TACR3: variants seen among roughly 807,000 people sequenced by gnomAD.
TACR3 encodes tachykinin receptor 3.
A neutral mutation model predicts 35.0 loss-of-function variants in TACR3; 34 were observed. That is an observed-to-expected ratio of 0.97 (90% CI 0.74 to 1.30). TACR3 has a LOEUF of 1.30. TACR3 is among the 50% of genes most tolerant of loss of function. The pLI is 0.00. For missense variants in TACR3, 558 were observed against 591.7 expected (o/e 0.94, Z 0.59); for synonymous variants, 233 against 221.1 (o/e 1.05, Z -0.48).
In TACR3 at chr4:103,606,122, A is replaced by T. The variant is rs940083744; in HGVS notation, c.889-14439T>A. 9.2e-5 allele frequency among the ~76,000 whole-genome samples: 14 copies of T among 151,864 alleles called. No homozygotes were observed. The South Asian group carries it at 1.7e-3, about 18-fold the overall frequency. On this transcript the variant is annotated intron_variant, in intron 3 of 4. Transcript: ENST00000304883. Reference sequence around the variant, plus strand: ...CTTGTTTTTGTCAGGTTTGTCAAAGATCAGATAGTTGTAGATATGTGGCAT... The same window carrying T: ...CTTGTTTTTGTCAGGTTTGTCAAAGTTCAGATAGTTGTAGATATGTGGCAT...
chr4:103,666,693 G>C (rs917216250), intron 1 of TACR3, among the ~76,000 whole-genome samples: 3 of 152,058 alleles, frequency 2.0e-5, no homozygotes, highest in Non-Finnish European at 4.4e-5. Context: ...CAAAATTTCA[G>C]ATAACAGATT....
chr4:103,644,130 G>C (rs1010612397), intron 3 of TACR3, among the ~76,000 whole-genome samples: 4 of 151,830 alleles, frequency 2.6e-5, no homozygotes, highest in African/African-American at 7.3e-5. Flanking sequence ...GAGAGCAGGA[G>C]GAATATTTAA....
At chr4:103,703,669 A>C (rs1489088831) in intron 1 of TACR3, among the ~76,000 whole-genome samples, 1 of 152,160 alleles carries the variant, frequency 6.6e-6, no homozygotes, top group Non-Finnish European at 1.5e-5. Flanking sequence ...CTCAATAAAA[A>C]TGATTTATGC....
chr4:103,668,439 G>T (rs1264282714), intron 1 of TACR3, among the ~76,000 whole-genome samples: 4 of 152,142 alleles, frequency 2.6e-5, no homozygotes, highest in Admixed American at 2.6e-4. Context: ...GGTAGCTGCT[G>T]ACTGATCAGG....
rs765245410 is a variant in TACR3 at position 103,719,401 on chromosome 4, T to C, written c.275A>G (p.Tyr92Cys). The C allele has an allele frequency of 1.2e-6, 2 of 1,614,162 alleles. No homozygotes were observed. The highest frequency in any genetic ancestry group is 2.2e-5 in the East Asian group (1 of 44,868). The stretch of plus-strand genomic sequence containing the variant: ...AACTGCCACTGCCACCACCACACCA[T>C]ACGCCAGGGACCAGAGCGCGATGCG... Reference protein sequence around the residue: ...SWRIALWSLAYGVVVAVAVLG... With the variant: ...SWRIALWSLACGVVVAVAVLG... The change falls in exon 1 of 5, where the codon TAT becomes TGT. Residue 92 changes from tyrosine (Y) to cysteine (C), a missense_variant. Transcript: ENST00000304883.
At chr4:103,632,860 C>T (rs1725098267) in intron 3 of TACR3, among the ~76,000 whole-genome samples, 1 of 151,648 alleles carries the variant, frequency 6.6e-6, no homozygotes, top group Non-Finnish European at 1.5e-5. Context: ...AATGTAGCCA[C>T]AATATTCATA....
At chr4:103,693,302 C>T (rs866959478) in intron 1 of TACR3, among the ~76,000 whole-genome samples, 1 of 152,100 alleles carries the variant, frequency 6.6e-6, no homozygotes, top group Non-Finnish European at 1.5e-5. Flanking sequence ...TAAAAATTTG[C>T]AAACAATAAA....
At chr4:103,603,837 G>T (rs560291578) in intron 3 of TACR3, among the ~76,000 whole-genome samples, 1 of 152,104 alleles carries the variant, frequency 6.6e-6, no homozygotes, top group African/African-American at 2.4e-5. Flanking sequence ...AGCAACTGTT[G>T]TTTCCTGACT....
intron 3 of TACR3, among the ~76,000 whole-genome samples, chr4:103,652,418 C>G (rs1365406051): frequency 6.6e-6 from 1 of 152,144 alleles, no homozygotes; most frequent in African/African-American, 2.4e-5. Flanking sequence ...GGCAAAGATT[C>G]TCTCTCCATG....
chr4:103,713,049 T>C (rs1271719981), intron 1 of TACR3, among the ~76,000 whole-genome samples: 1 of 152,132 alleles, frequency 6.6e-6, no homozygotes, highest in African/African-American at 2.4e-5. Flanking sequence ...AGTTCAACCA[T>C]TGTGGAAGAC....
rs561017334 is a variant in TACR3, at chr4:103,702,534, A to G, written c.548+16594T>C. ...TAGAACTAGAAATACCATTTGACTC[A>G]GACATCCTATTACTGGGTATATACC... On this transcript the variant is annotated intron_variant, in intron 1 of 4. Transcript: ENST00000304883. 7.2e-5 allele frequency among the ~76,000 whole-genome samples: 11 copies of G among 152,330 alleles called. No individual in the cohort carries two copies. In the East Asian group the frequency reaches 2.1e-3, roughly 29 times the overall value.
Position 103,656,299 on chromosome 4 carries a change from G to T in TACR3, c.783C>A (p.Leu261=). ...VIILVYCFPL[L]IMGITYTIVG... is the part of the protein sequence containing the mutation. Reference sequence around the variant, plus strand: ...CAATGGTGTATGTAATACCCATGATGAGCAATGGGAAACAGTACACCAGTA... The same window carrying T: ...CAATGGTGTATGTAATACCCATGATTAGCAATGGGAAACAGTACACCAGTA... The change falls in exon 3 of 5, where the codon CTC becomes CTA. Residue 261 remains leucine, a synonymous_variant. Transcript: ENST00000304883. 1 of 1,612,620 alleles carries T rather than the reference G, an allele frequency of 6.2e-7. No individual in the cohort carries two copies. Among genetic ancestry groups the T allele is most frequent in the Non-Finnish European group, 8.5e-7 (1 of 1,178,948 alleles).
chr4:103,606,313 T>C (rs1370461898), intron 3 of TACR3, among the ~76,000 whole-genome samples: 2 of 152,092 alleles, frequency 1.3e-5, no homozygotes, highest in East Asian at 1.9e-4. Flanking sequence ...TGCGGGCTCT[T>C]TTTTGGTTCC....
intron 1 of TACR3, among the ~76,000 whole-genome samples, chr4:103,718,754 GCACTTT>G (rs1275126957): frequency 6.6e-6 from 1 of 152,132 alleles, no homozygotes; most frequent in Non-Finnish European, 1.5e-5. Context: ...GCCAAAAAGT[GCACTTT>G]ACAGATGACA....
chr4:103,618,565 T>C (rs1724707868), intron 3 of TACR3, among the ~76,000 whole-genome samples: 3 of 20,486 alleles, frequency 1.5e-4, no homozygotes, highest in Non-Finnish European at 3.7e-4. Context: ...TGACTTGGGC[T>C]TTTTTTTTTT....
chr4:103,650,818 T>A (rs866958213), intron 3 of TACR3, among the ~76,000 whole-genome samples: 3 of 1,270 alleles, frequency 2.4e-3, no homozygotes, highest in Non-Finnish European at 3.0e-3. Context: ...AATAATATAT[T>A]ATATAATAAT....
At chr4:103,661,273 T>G (rs1220691643) in intron 1 of TACR3, among the ~76,000 whole-genome samples, 2 of 152,142 alleles carry the variant, frequency 1.3e-5, no homozygotes, top group Non-Finnish European at 1.5e-5. Context: ...ATGTGTAACA[T>G]TAAAACAAAG....
chr4:103,614,961 C>G (rs989233518), intron 3 of TACR3, among the ~76,000 whole-genome samples: 1 of 126,108 alleles, frequency 7.9e-6, no homozygotes, highest in African/African-American at 3.0e-5. Flanking sequence ...GTGGCGCGAT[C>G]TCCGCTCACT....
intron 3 of TACR3, among the ~76,000 whole-genome samples, chr4:103,630,115 G>A (rs1258664606): frequency 2.0e-5 from 3 of 152,148 alleles, no homozygotes; most frequent in Non-Finnish European, 4.4e-5. Flanking sequence ...AATAAATGGT[G>A]CTGGGGAAAC....
Sources: gnomAD v4.1 joint callset for allele counts (sites outside exome capture counted in the v4.1 genomes callset) on GRCh38, gnomAD v4.1.1 for gene constraint, MANE v1.5 for transcripts, NCBI Gene and HGNC (gene_info 2026-07-23, HGNC 2026-07-21) for gene names.